DNAH12: variants seen among roughly 807,000 people sequenced by gnomAD.
DNAH12 encodes the protein axonemal beta dynein heavy chain 12.
DNAH12 carries 285 observed loss-of-function variants against 371.5 expected under a neutral mutation model. The ratio of observed to expected loss-of-function variants is 0.77; its 90% confidence interval spans 0.70 to 0.85. The LOEUF (loss-of-function observed/expected upper bound fraction) is 0.85. Ranked by LOEUF, DNAH12 falls within the 40% of genes least tolerant of loss-of-function variation. DNAH12 has a pLI of 0.00. For synonymous variants in DNAH12, 1,200 were observed against 1,213.0 expected (o/e 0.99, Z 0.22); for missense variants, 3,611 against 3,689.4 (o/e 0.98, Z 0.55).
chr3:57,424,742 G>C (rs190382190), intron 35 of DNAH12, among the ~76,000 whole-genome samples: 31 of 148,540 alleles, frequency 2.1e-4, no homozygotes, highest in Non-Finnish European at 3.4e-4. Context: ...CTGAGATCAC[G>C]TCACTGCACT....
rs1461405730 is a variant in DNAH12 at position 57,364,848 on chromosome 3, A to G, written c.9168-1062T>C. On this transcript the variant is annotated intron_variant, in intron 57 of 73. Coordinates refer to ENST00000495027, the MANE Select transcript of DNAH12 (RefSeq NM_001366028.2). ...TCAAAAGAAGATATTTATGTGGCCA[A>G]CAAACATATGAAAACAAGCTCAACA... is the stretch of plus-strand genomic sequence containing the variant. Among the ~76,000 whole-genome samples the G allele has an allele frequency of 3.3e-5, 5 of 152,382 alleles. No homozygotes were observed. The East Asian group carries it at 5.8e-4, about 18-fold the overall frequency.
chr3:57,439,962 C>T (rs6776438), intron 29 of DNAH12, among the ~76,000 whole-genome samples: 63,777 of 151,982 alleles, frequency 0.42, 15,045 homozygotes, highest in South Asian at 0.57. Flanking sequence ...AAATGCAAAT[C>T]AAAAATACAA....
chr3:57,433,819 TAACATAA>T lies in DNAH12; in HGVS notation c.4658_4664del (p.Phe1553Ter). 1 of 1,537,866 alleles carries T rather than the reference TAACATAA, an allele frequency of 6.5e-7. No homozygotes were observed. Among genetic ancestry groups the T allele is most frequent in the Non-Finnish European group, 8.7e-7 (1 of 1,143,130 alleles). On this transcript the variant is annotated frameshift_variant and splice_region_variant, in exon 31 of 74. Transcript: ENST00000495027. LOFTEE classifies it high-confidence loss of function. ...TCTTAGCAGCAAAAGGCTCTCCTACTAACATAAAACTATGAAGGAAAAGAAATAATTA... is the reference window on the plus strand; with the variant it reads ...TCTTAGCAGCAAAAGGCTCTCCTACTAACTATGAAGGAAAAGAAATAATTA...
At chr3:57,309,126 A>C (rs2061534135) in intron 69 of DNAH12, 25 bp downstream of exon 69, 1 of 1,473,648 alleles carries the variant, frequency 6.8e-7, no homozygotes, top group Non-Finnish European at 9.1e-7. Flanking sequence ...TTGCCTTCTG[A>C]ATCACTGGGG....
chr3:57,544,713 A>G (rs890607893), upstream of DNAH12, among the ~76,000 whole-genome samples: 5 of 152,218 alleles, frequency 3.3e-5, no homozygotes, highest in African/African-American at 9.6e-5. Flanking sequence ...AATATAATTT[A>G]TCTTGCTTCT....
At chr3:57,533,302 C>T (rs1200450969) in intron 2 of DNAH12, among the ~76,000 whole-genome samples, 1 of 152,134 alleles carries the variant, frequency 6.6e-6, no homozygotes, top group African/African-American at 2.4e-5. Flanking sequence ...ATCAGGGACC[C>T]CAAGAGCCCG....
At chr3:57,295,866 T>G (rs1268576700) in intron 72 of DNAH12, among the ~76,000 whole-genome samples, 1 of 152,218 alleles carries the variant, frequency 6.6e-6, no homozygotes, top group East Asian at 1.9e-4. Context: ...AAACTTTGTC[T>G]CCTTTTCTCT....
chr3:57,377,799 G>C (rs1469573952), intron 52 of DNAH12, among the ~76,000 whole-genome samples: 1 of 152,086 alleles, frequency 6.6e-6, no homozygotes, highest in Non-Finnish European at 1.5e-5. Context: ...ATTTCCTAAA[G>C]TTTTTTTGTT....
At chr3:57,425,698 A>G (rs1012876056) in intron 34 of DNAH12, among the ~76,000 whole-genome samples, 1 of 152,234 alleles carries the variant, frequency 6.6e-6, no homozygotes, top group Non-Finnish European at 1.5e-5. Flanking sequence ...CACATAATAC[A>G]TTCTAAATTC....
Position 57,507,654 on chromosome 3 carries a change from TAA to T in DNAH12, c.884_885del (p.Leu295HisfsTer21). The T allele has an allele frequency of 6.2e-7, 1 of 1,600,634 alleles. No individual in the cohort carries two copies. The highest frequency in any genetic ancestry group is 8.5e-7 in the Non-Finnish European group (1 of 1,177,608). ...TAAAGTGTATGTACCTGATTTGACA[TAA>T]GTGTGGAAACACAGCTATAAAATGC... ...LDAFYSCVST[L>X]MSNQLKDLLR... is the part of the protein sequence containing the mutation. On this transcript the variant is annotated frameshift_variant, in exon 8 of 74. Coordinates refer to ENST00000495027, the MANE Select transcript of DNAH12 (RefSeq NM_001366028.2). LOFTEE classifies it high-confidence loss of function.
rs1453534813 is a variant in DNAH12 at position 57,419,555 on chromosome 3, T to C, written c.5563-37A>G. ...TATAAGTTTTAAAATATTAAAACCA[T>C]GTACTTGCTGTATCTGAAAGGCTCT... On this transcript the variant is annotated intron_variant, in intron 36 of 73. Coordinates refer to ENST00000495027, the MANE Select transcript of DNAH12 (RefSeq NM_001366028.2). 8 of 1,352,518 alleles carry C rather than the reference T, an allele frequency of 5.9e-6. 1 individual carries two copies. The South Asian group carries it at 1.3e-4, about 23-fold the overall frequency. The allele number at this position is 1,352,518 out of a possible 1,614,324, so 83.8% of individuals were successfully genotyped here.
At chr3:57,294,106 A>G in intron 73 of DNAH12, 135 bp from the exon 74 acceptor site, 1 of 679,508 alleles carries the variant, frequency 1.5e-6, no homozygotes, top group Non-Finnish European at 2.2e-6. Flanking sequence ...AAGGTTTTAC[A>G]GCATATATAT....
intron 59 of DNAH12, 114 bp from the exon 60 acceptor site, chr3:57,352,339 A>G: frequency 2.7e-6 from 3 of 1,122,482 alleles, no homozygotes; most frequent in Non-Finnish European, 2.5e-6. Flanking sequence ...AAAAACGTAT[A>G]AAGATACACA....
At chr3:57,348,588 C>T (rs999981495) in intron 60 of DNAH12, among the ~76,000 whole-genome samples, 3 of 152,036 alleles carry the variant, frequency 2.0e-5, no homozygotes, top group African/African-American at 7.3e-5. Flanking sequence ...GGAGGTTGTA[C>T]ATAAGAAATC....
chr3:57,447,414 C>T (rs1644313043), intron 25 of DNAH12, among the ~76,000 whole-genome samples: 1 of 151,914 alleles, frequency 6.6e-6, no homozygotes, highest in Non-Finnish European at 1.5e-5. Flanking sequence ...GTCTGTTTCA[C>T]GGGAGTTTCA....
At position 57,329,116 on chromosome 3, in the gene DNAH12, T is replaced by C. The variant is rs1039951590; in HGVS notation, c.9978+5349A>G. On this transcript the variant is annotated intron_variant, in intron 62 of 73. Transcript: ENST00000495027. ...GCTCATGGGTAGGAAGAATCAATAT[T>C]GTGAAAATGGCCATACTGCCCAAGG... Among the ~76,000 whole-genome samples, 1,080 of 148,556 alleles carry C rather than the reference T, an allele frequency of 7.3e-3. 13 individuals are homozygous for C. Among genetic ancestry groups the C allele is most frequent in the African/African-American group, 0.025 (999 of 39,354 alleles).
chr3:57,418,729 A>G (rs1436710402), intron 37 of DNAH12, among the ~76,000 whole-genome samples: 1 of 152,148 alleles, frequency 6.6e-6, no homozygotes, highest in East Asian at 1.9e-4. Flanking sequence ...GAATGCATTC[A>G]GGAACAGCTT....
In DNAH12 at chr3:57,402,025, G is replaced by A. The variant is rs74523760; in HGVS notation, c.6948+1284C>T. ...GTCTAATTTCAAAGTCCACGTTCTT[G>A]CTACTATGAAGTAGTAAATGAAGTA... On this transcript the variant is annotated intron_variant, in intron 43 of 73. Coordinates refer to ENST00000495027, the MANE Select transcript of DNAH12 (RefSeq NM_001366028.2). Among the ~76,000 whole-genome samples, 626 of 152,282 alleles carry A rather than the reference G, an allele frequency of 4.1e-3. 2 individuals carry two copies. The highest frequency in any genetic ancestry group is 0.014 in the African/African-American group (597 of 41,556).
In DNAH12 at chr3:57,429,785, T is replaced by G. The variant is rs746606088; in HGVS notation, c.4981-11A>C. 85 of 1,496,698 alleles carry G rather than the reference T, an allele frequency of 5.7e-5. No homozygotes were observed. The highest frequency in any genetic ancestry group is 6.7e-5 in the Non-Finnish European group (76 of 1,130,086). The allele number at this position is 1,496,698 out of a possible 1,614,324, so 92.7% of individuals were successfully genotyped here. ...ACTCATAAGGCAAAGCTAAAAGCAA[T>G]TATTTTTCAAATGTTTATTTTTTAA... is the stretch of plus-strand genomic sequence containing the variant. On this transcript the variant is annotated splice_polypyrimidine_tract_variant and intron_variant, in intron 32 of 73. Coordinates refer to ENST00000495027, the MANE Select transcript of DNAH12 (RefSeq NM_001366028.2).
Sources: allele counts gnomAD v4.1 joint callset (sites outside exome capture counted in the v4.1 genomes callset), GRCh38; gene constraint gnomAD v4.1.1; transcripts MANE v1.5; gene names NCBI Gene and HGNC (gene_info 2026-07-23, HGNC 2026-07-21).